Variants in DZIP3 observed in about 807,000 individuals in gnomAD.
DZIP3 encodes E3 ubiquitin-protein ligase DZIP3.
In DZIP3, 118 loss-of-function variants were observed where a neutral mutation model predicts 162.0. The observed-to-expected ratio is 0.73, with a 90% CI of 0.63 to 0.85. The LOEUF (loss-of-function observed/expected upper bound fraction) is 0.85, where lower values mean the gene tolerates loss of function less well. Among genes scored for constraint, DZIP3 ranks in the 40% least tolerant of loss-of-function variants. The probability of loss-of-function intolerance (pLI) is 0.00; values close to 1 mark genes in which losing one functional copy is unlikely to be tolerated. For missense variants in DZIP3, 1,331 were observed against 1,407.0 expected (o/e 0.95, Z 0.86); for synonymous variants, 438 against 458.6 (o/e 0.96, Z 0.57).
chr3:108,672,443 C>T (rs983982559), intron 22 of DZIP3, 117 bp from the exon 23 acceptor site: 3 of 835,826 alleles, frequency 3.6e-6, no homozygotes, highest in African/African-American at 3.4e-5. Context: ...GTGCTCTATA[C>T]TTTTCCAAGA....
chr3:108,666,606 A>G (rs986039203), intron 21 of DZIP3, among the ~76,000 whole-genome samples: 2 of 152,160 alleles, frequency 1.3e-5, no homozygotes, highest in Non-Finnish European at 2.9e-5. Flanking sequence ...TCAAGTGACC[A>G]CAGGATGTAT....
At chr3:108,629,867 C>T (rs539349571) in intron 8 of DZIP3, among the ~76,000 whole-genome samples, 158 of 151,442 alleles carry the variant, frequency 1.0e-3, no homozygotes, top group Non-Finnish European at 1.8e-3. Flanking sequence ...TTATACAATG[C>T]GATTTTGGCA....
Position 108,623,863 on chromosome 3 carries a change from C to T in DZIP3, c.376-581C>T, listed in dbSNP as rs183949950. Among the ~76,000 whole-genome samples the T allele has an allele frequency of 1.4e-4, 21 of 152,306 alleles. 1 individual carries two copies. The highest frequency in any genetic ancestry group is 5.2e-4 in the Admixed American group (8 of 15,300). ...CTAACACTTGTCTAAATGCTACCTC[C>T]GTGATCACTGACTGAGTTCTGCTCA... On this transcript the variant is annotated intron_variant, in intron 5 of 32. Transcript: ENST00000361582.
At position 108,693,561 on chromosome 3, in the gene DZIP3, C is replaced by G. The variant is rs1176826486; in HGVS notation, c.*208C>G. The G allele has an allele frequency of 6.6e-6, 1 of 152,118 alleles. No individual in the cohort carries two copies. The highest frequency in any genetic ancestry group is 2.4e-5 in the African/African-American group (1 of 41,430). The allele number at this position is 152,118 out of a possible 1,614,324, so 9.4% of individuals were successfully genotyped here. ...GCTATAAGTGAAGACCTACCTTTCC[C>G]TTAAGAGCTAGTTGTTAAACCTTTA... On this transcript the variant is annotated 3_prime_UTR_variant, in exon 33 of 33. Transcript: ENST00000361582.
intron 2 of DZIP3, 38 bp from the exon 3 acceptor site, chr3:108,608,051 A>C: frequency 6.6e-7 from 1 of 1,511,448 alleles, no homozygotes; most frequent in Non-Finnish European, 9.2e-7. Context: ...TCTTTGTGAG[A>C]AGATGCTCTT....
intron 27 of DZIP3, among the ~76,000 whole-genome samples, chr3:108,684,680 A>G (rs1196862020): frequency 6.6e-6 from 1 of 152,202 alleles, no homozygotes; most frequent in Non-Finnish European, 1.5e-5. Context: ...TTGAAAAGCA[A>G]AGAAGCCAAG....
At chr3:108,620,113 A>T (rs1941249793) in intron 5 of DZIP3, among the ~76,000 whole-genome samples, 1 of 152,196 alleles carries the variant, frequency 6.6e-6, no homozygotes. Flanking sequence ...AGCCATCTGC[A>T]GGTTCCTCCA....
At chr3:108,631,244 G>C (rs1300977769) in intron 8 of DZIP3, among the ~76,000 whole-genome samples, 2 of 151,768 alleles carry the variant, frequency 1.3e-5, no homozygotes, top group East Asian at 3.9e-4. Context: ...CCTTGTTTTG[G>C]TGGTGCAACT....
At chr3:108,622,530 G>A (rs1941400617) in intron 5 of DZIP3, among the ~76,000 whole-genome samples, 1 of 152,124 alleles carries the variant, frequency 6.6e-6, no homozygotes. Context: ...GCTAATGGAT[G>A]TCCATCGATG....
At chr3:108,674,049 TTCTTTC>T (rs1944014464) in intron 23 of DZIP3, 23 bp from the exon 24 acceptor site, 3 of 1,534,282 alleles carry the variant, frequency 2.0e-6, no homozygotes, top group Non-Finnish European at 2.7e-6. Flanking sequence ...CACCTTCAAC[TTCTTTC>T]TCTTTCTCTC....
intron 18 of DZIP3, among the ~76,000 whole-genome samples, chr3:108,652,871 C>A (rs2107237584): frequency 6.6e-6 from 1 of 151,954 alleles, no homozygotes; most frequent in East Asian, 1.9e-4. Flanking sequence ...AGCCTAGGAG[C>A]AATATGTGTA....
intron 9 of DZIP3, among the ~76,000 whole-genome samples, chr3:108,633,658 G>T: frequency 7.2e-6 from 1 of 138,434 alleles, no homozygotes; most frequent in Admixed American, 7.1e-5. Context: ...TCTCTCTCTG[G>T]ATCTATCAGA....
chr3:108,615,334 A>C (rs1288269049), intron 4 of DZIP3, among the ~76,000 whole-genome samples: 2 of 152,174 alleles, frequency 1.3e-5, no homozygotes, highest in South Asian at 4.1e-4. Flanking sequence ...CTTCAGTATT[A>C]TGTTTTGTAT....
At chr3:108,648,581 TTTCATC>T (rs1942731498) in intron 16 of DZIP3, 1 of 169,078 alleles carries the variant, frequency 5.9e-6, no homozygotes, top group African/African-American at 2.4e-5. Flanking sequence ...TCCTTAGATC[TTTCATC>T]TTATAGGCAT....
Position 108,687,971 on chromosome 3 carries a change from T to C in DZIP3, c.3150-5T>C. 4 of 1,613,438 alleles carry C rather than the reference T, an allele frequency of 2.5e-6. No homozygotes were observed. The highest frequency in any genetic ancestry group is 2.5e-6 in the Non-Finnish European group (3 of 1,179,712). ...CTGCCCTTTCCTTTCCTTGATCTCTTGCAGAAAGGAACTTACAGATTTCTT... is the reference window on the plus strand; with the variant it reads ...CTGCCCTTTCCTTTCCTTGATCTCTCGCAGAAAGGAACTTACAGATTTCTT... On this transcript the variant is annotated splice_region_variant and splice_polypyrimidine_tract_variant and intron_variant, in intron 28 of 32. Coordinates refer to ENST00000361582, the MANE Select transcript of DZIP3 (RefSeq NM_014648.4).
Position 108,693,509 on chromosome 3 carries a change from CA to C in DZIP3, c.*158del, listed in dbSNP as rs1944778305. 1 of 152,062 alleles carries C rather than the reference CA, an allele frequency of 6.6e-6. No homozygotes were observed. The highest frequency in any genetic ancestry group is 2.4e-5 in the African/African-American group (1 of 41,392). 9.4% of individuals were successfully genotyped at this position (152,062 alleles called of 1,614,324 possible). Reference sequence around the variant, plus strand: ...ATTGTTGCTAGCTTGAAATCTGCGGCAATTGGAGTATTTACACCATAGAAAT... The same window carrying C: ...ATTGTTGCTAGCTTGAAATCTGCGGCATTGGAGTATTTACACCATAGAAAT... On this transcript the variant is annotated 3_prime_UTR_variant, in exon 33 of 33. Transcript: ENST00000361582.
chr3:108,620,584 A>G (rs1339804948), intron 5 of DZIP3, among the ~76,000 whole-genome samples: 2 of 152,200 alleles, frequency 1.3e-5, no homozygotes, highest in Non-Finnish European at 2.9e-5. Context: ...TTCCACCACC[A>G]CAAAAATCTC....
intron 5 of DZIP3, among the ~76,000 whole-genome samples, chr3:108,623,850 T>C (rs983418845): frequency 1.3e-5 from 2 of 152,182 alleles, no homozygotes; most frequent in Non-Finnish European, 2.9e-5. Flanking sequence ...AACACTTGTC[T>C]AAATGCTACC....
rs148315812 is a variant in DZIP3, at chr3:108,667,534, A to T, written c.2424-2147A>T. On this transcript the variant is annotated intron_variant, in intron 21 of 32. Transcript: ENST00000361582. ...GTTGTGGCTTTAAAAGGGCAAAATG[A>T]AGGATCCCTGTGGTGATAGAACAGT... 3.9e-3 allele frequency among the ~76,000 whole-genome samples: 589 copies of T among 152,240 alleles called. 2 individuals are homozygous for T. The highest frequency in any genetic ancestry group is 0.013 in the African/African-American group (557 of 41,556).
Sources: gnomAD v4.1 joint callset for allele counts (sites outside exome capture counted in the v4.1 genomes callset) on GRCh38, gnomAD v4.1.1 for gene constraint, MANE v1.5 for transcripts, NCBI Gene and HGNC (gene_info 2026-07-23, HGNC 2026-07-21) for gene names.